Variants in YWHAQ observed in about 807,000 individuals in gnomAD.
YWHAQ encodes 14-3-3 protein theta.
Under a neutral mutation model 28.3 loss-of-function variants are expected in YWHAQ, and 6 were observed. The ratio of observed to expected loss-of-function variants is 0.21; its 90% confidence interval spans 0.12 to 0.42. YWHAQ has a LOEUF of 0.42. YWHAQ is among the 10% of genes least tolerant of loss of function. The pLI, the probability that YWHAQ is intolerant of heterozygous loss-of-function variation, is 1.00. For synonymous variants in YWHAQ, 143 were observed against 119.1 expected, an observed-to-expected ratio of 1.20 and a Z score of -1.31; for missense variants, 201 against 305.6, an observed-to-expected ratio of 0.66 and a Z score of 2.55.
At chr2:9,604,656 T>C (rs985102054) in intron 2 of YWHAQ, among the ~76,000 whole-genome samples, 2 of 152,118 alleles carry the variant, frequency 1.3e-5, no homozygotes, top group South Asian at 2.1e-4. Context: ...AAAACCTGCA[T>C]GTAAGGAGGG....
At chr2:9,588,917 T>C (rs1572985608) in intron 3 of YWHAQ, among the ~76,000 whole-genome samples, 1 of 152,100 alleles carries the variant, frequency 6.6e-6, no homozygotes, top group African/African-American at 2.4e-5. Context: ...AAGACCAGCC[T>C]GGGCAACACA....
At chr2:9,615,851 C>G (rs921128143) in intron 2 of YWHAQ, among the ~76,000 whole-genome samples, 1 of 152,112 alleles carries the variant, frequency 6.6e-6, no homozygotes, top group Non-Finnish European at 1.5e-5. Flanking sequence ...TTGAGTTTCA[C>G]AGCTAACTAG....
At chr2:9,603,323 G>A (rs1666751567) in intron 2 of YWHAQ, among the ~76,000 whole-genome samples, 1 of 148,356 alleles carries the variant, frequency 6.7e-6, no homozygotes. Flanking sequence ...GGGCTGAAGT[G>A]CAGTGACACG....
chr2:9,612,259 G>T (rs1666962944), intron 2 of YWHAQ, among the ~76,000 whole-genome samples: 1 of 152,034 alleles, frequency 6.6e-6, no homozygotes. Context: ...CTCTTTCTCG[G>T]ATCCAGTTTA....
At chr2:9,619,649 G>T (rs900596469) in intron 2 of YWHAQ, among the ~76,000 whole-genome samples, 3 of 152,090 alleles carry the variant, frequency 2.0e-5, no homozygotes, top group Non-Finnish European at 4.4e-5. Context: ...ACAGAGCATA[G>T]CTATATTTAA....
At chr2:9,586,204 A>G (rs1020918450) in intron 5 of YWHAQ, among the ~76,000 whole-genome samples, 1 of 152,352 alleles carries the variant, frequency 6.6e-6, no homozygotes, top group South Asian at 2.1e-4. Context: ...CAATGTGTGC[A>G]TGTATAGACA....
chr2:9,623,491 C>T (rs1000114407), intron 2 of YWHAQ, among the ~76,000 whole-genome samples: 4 of 152,280 alleles, frequency 2.6e-5, no homozygotes, highest in Admixed American at 6.5e-5. Context: ...GTCTGAACCA[C>T]GGCCGGGTGC....
chr2:9,596,423 C>G (rs150228305), intron 2 of YWHAQ, among the ~76,000 whole-genome samples: 28 of 152,156 alleles, frequency 1.8e-4, no homozygotes, highest in African/African-American at 6.7e-4. Flanking sequence ...TTCCATTTTA[C>G]AGAGTAAATA....
In YWHAQ at chr2:9,612,139, T is replaced by C. The variant is rs150621093; in HGVS notation, c.294+18020A>G. ...ACCTTTTCACAGTGTCACAGTATTT[T>C]TGAAAATCTATCTTCTCAGTCTCAT... On this transcript the variant is annotated intron_variant, in intron 2 of 5. Coordinates refer to ENST00000238081, the MANE Select transcript of YWHAQ (RefSeq NM_006826.4). Among the ~76,000 whole-genome samples the C allele has an allele frequency of 1.1e-3, 161 of 152,352 alleles. 1 individual carries two copies. Among genetic ancestry groups the C allele is most frequent in the African/African-American group, 3.6e-3 (148 of 41,596 alleles).
chr2:9,629,915 A>G (rs1423951016), intron 2 of YWHAQ, among the ~76,000 whole-genome samples: 1 of 152,160 alleles, frequency 6.6e-6, no homozygotes, highest in Non-Finnish European at 1.5e-5. Flanking sequence ...GATGTTTCCA[A>G]GTTCCATCGT....
chr2:9,593,898 T>TTAA, intron 2 of YWHAQ, among the ~76,000 whole-genome samples: 1 of 121,506 alleles, frequency 8.2e-6, no homozygotes, highest in African/African-American at 3.3e-5. Context: ...TTAAATAGAT[T>TTAA]AAAAAAAATA....
chr2:9,591,259 C>A, intron 3 of YWHAQ, 133 bp downstream of exon 3: 1 of 1,106,518 alleles, frequency 9.0e-7, no homozygotes, highest in Non-Finnish European at 1.2e-6. Flanking sequence ...TAAGGTAATA[C>A]TAATTTTCTT....
chr2:9,626,545 C>T (rs1164629532), intron 2 of YWHAQ, among the ~76,000 whole-genome samples: 2 of 152,224 alleles, frequency 1.3e-5, no homozygotes, highest in Non-Finnish European at 2.9e-5. Context: ...TCTCCTGCCT[C>T]GGCCTCCCGA....
chr2:9,629,256 T>C lies in YWHAQ; in HGVS notation c.294+903A>G, dbSNP rs552445715. Among the ~76,000 whole-genome samples, 637 of 152,322 alleles carry C rather than the reference T, an allele frequency of 4.2e-3. 2 individuals carry two copies. Among genetic ancestry groups the C allele is most frequent in the Non-Finnish European group, 7.6e-3 (516 of 68,018 alleles). Reference sequence around the variant, plus strand: ...ATGAGATTATTTCCCATTTTATTCATAGAAATGACTCTTGGCAGCACTGAA... The same window carrying C: ...ATGAGATTATTTCCCATTTTATTCACAGAAATGACTCTTGGCAGCACTGAA... On this transcript the variant is annotated intron_variant, in intron 2 of 5. Coordinates refer to ENST00000238081, the MANE Select transcript of YWHAQ (RefSeq NM_006826.4).
chr2:9,602,839 AAAAAAAAAAAAAAAAAAAAAAAAATAT>A (rs1190792881), intron 2 of YWHAQ, among the ~76,000 whole-genome samples: 135 of 24,056 alleles, frequency 5.6e-3, no homozygotes, highest in African/African-American at 0.02. Flanking sequence ...TAAAAAAAAA[AAAAAAAAAAAAAAAAAAAAAAAAATAT>A]ATATATATAT....
chr2:9,623,063 A>G (rs989883917), intron 2 of YWHAQ, among the ~76,000 whole-genome samples: 1 of 152,250 alleles, frequency 6.6e-6, no homozygotes, highest in Non-Finnish European at 1.5e-5. Flanking sequence ...CCAAAGCAAC[A>G]CCTTGACTGA....
chr2:9,593,867 T>C (rs1414240073), intron 2 of YWHAQ, among the ~76,000 whole-genome samples: 2 of 142,674 alleles, frequency 1.4e-5, no homozygotes, highest in African/African-American at 5.3e-5. Flanking sequence ...ACATTAAAAA[T>C]CCTTTAATTG....
At chr2:9,588,041 A>C (rs1246575956) in intron 4 of YWHAQ, 124 bp downstream of exon 4, 7 of 1,189,376 alleles carry the variant, frequency 5.9e-6, no homozygotes, top group Non-Finnish European at 6.8e-6. Context: ...GAAAAAGAGG[A>C]GATTTCAAAA....
chr2:9,628,701 A>T (rs943752478), intron 2 of YWHAQ: 1 of 152,212 alleles, frequency 6.6e-6, no homozygotes, highest in East Asian at 1.9e-4. Flanking sequence ...GTCTACCACT[A>T]CTTTCAAGTT....
Sources: allele counts gnomAD v4.1 joint callset (sites outside exome capture counted in the v4.1 genomes callset), GRCh38; gene constraint gnomAD v4.1.1; transcripts MANE v1.5; gene names NCBI Gene and HGNC (gene_info 2026-07-23, HGNC 2026-07-21).